The following DLG2 variants were observed in gnomAD, a reference collection of about 807,000 sequenced individuals.
DLG2 encodes the protein disks large homolog 2.
DLG2 carries 45 observed loss-of-function variants against 132.5 expected under a neutral mutation model. That is an observed-to-expected ratio of 0.34 (90% CI 0.27 to 0.44). The LOEUF is 0.44. Ranked by LOEUF, DLG2 falls within the 20% of genes least tolerant of loss-of-function variation. DLG2 has a pLI of 1.00. For synonymous variants in DLG2, 424 were observed against 419.6 expected (o/e 1.01, Z -0.13); for missense variants, 1,045 against 1,196.9 (o/e 0.87, Z 1.87).
intron 2 of DLG2, among the ~76,000 whole-genome samples, chr11:85,609,942 G>T (rs1423463302): frequency 6.6e-6 from 1 of 152,142 alleles, no homozygotes; most frequent in African/African-American, 2.4e-5. Context: ...TTCTTGTTAT[G>T]CCTGAAAGTC....
intron 6 of DLG2, among the ~76,000 whole-genome samples, chr11:84,838,439 A>G (rs1162278088): frequency 6.6e-6 from 1 of 151,942 alleles, no homozygotes; most frequent in East Asian, 1.9e-4. Context: ...CATCTATCAA[A>G]TAGACAAAAA....
chr11:85,175,184 T>A (rs538168690), intron 4 of DLG2, among the ~76,000 whole-genome samples: 2 of 152,220 alleles, frequency 1.3e-5, no homozygotes, highest in Non-Finnish European at 2.9e-5. Flanking sequence ...TTCAGGCCAA[T>A]ATTCCTGATG....
intron 6 of DLG2, among the ~76,000 whole-genome samples, chr11:84,574,252 A>C (rs574379960): frequency 1.4e-4 from 22 of 151,960 alleles, no homozygotes; most frequent in African/African-American, 5.3e-4. Flanking sequence ...AGGTCTCTAT[A>C]CTCTTACTGT....
At chr11:84,238,017 C>A (rs1178840840) in intron 8 of DLG2, among the ~76,000 whole-genome samples, 2 of 145,828 alleles carry the variant, frequency 1.4e-5, no homozygotes, top group Non-Finnish European at 3.0e-5. Context: ...GCACTCCAGC[C>A]CGGGCGACAG....
At chr11:85,034,890 T>C (rs1047552760) in intron 6 of DLG2, among the ~76,000 whole-genome samples, 1 of 152,172 alleles carries the variant, frequency 6.6e-6, no homozygotes, top group African/African-American at 2.4e-5. Context: ...CTTATTATCA[T>C]TGGGATTCTA....
chr11:84,552,216 A>G (rs2154524335), intron 6 of DLG2, among the ~76,000 whole-genome samples: 1 of 152,168 alleles, frequency 6.6e-6, no homozygotes, highest in Non-Finnish European at 1.5e-5. Context: ...CCCCCATCAC[A>G]CCCTTGTTTC....
intron 3 of DLG2, among the ~76,000 whole-genome samples, chr11:85,450,825 C>T (rs993610129): frequency 5.9e-5 from 9 of 152,084 alleles, no homozygotes; most frequent in African/African-American, 1.9e-4. Context: ...TTCTCAGCTT[C>T]CATAACTCTA....
chr11:84,344,063 A>G (rs1363751887), intron 7 of DLG2, among the ~76,000 whole-genome samples: 1 of 152,232 alleles, frequency 6.6e-6, no homozygotes, highest in Non-Finnish European at 1.5e-5. Context: ...GTTCGAAAGA[A>G]TATAGCCTAT....
chr11:84,596,443 G>A (rs999965441), intron 6 of DLG2, among the ~76,000 whole-genome samples: 5 of 146,170 alleles, frequency 3.4e-5, no homozygotes, highest in African/African-American at 7.6e-5. Flanking sequence ...GGCTCCTCTC[G>A]AACTTCTGAC....
At chr11:83,921,312 A>C (rs2077846303) in intron 15 of DLG2, among the ~76,000 whole-genome samples, 1 of 152,136 alleles carries the variant, frequency 6.6e-6, no homozygotes, top group Non-Finnish European at 1.5e-5. Flanking sequence ...CAGGGAATAA[A>C]ATGATAAATA....
chr11:83,626,135 T>A (rs2062485011), intron 19 of DLG2, among the ~76,000 whole-genome samples: 1 of 152,196 alleles, frequency 6.6e-6, no homozygotes, highest in South Asian at 2.1e-4. Flanking sequence ...CATTTTATCA[T>A]AAATGCTTAA....
rs575830539 is a variant in DLG2, at chr11:83,513,116, C to G, written c.2193+19592G>C. Among the ~76,000 whole-genome samples, 12 of 152,300 alleles carry G rather than the reference C, an allele frequency of 7.9e-5. No homozygotes were observed. The East Asian group carries it at 2.3e-3, about 29-fold the overall frequency. On this transcript the variant is annotated intron_variant, in intron 21 of 27. Coordinates refer to ENST00000376104, the MANE Select transcript of DLG2 (RefSeq NM_001142699.3). The stretch of plus-strand genomic sequence containing the variant: ...CCTGAGGAATAGCCACACTGTCTTT[C>G]CACAATGGTTGAACCAGTTTATAGT...
At position 83,722,341 on chromosome 11, in the gene DLG2, G is replaced by A. The variant is rs117893454; in HGVS notation, c.1825+64349C>T. On this transcript the variant is annotated intron_variant, in intron 18 of 27. Coordinates refer to ENST00000376104, the MANE Select transcript of DLG2 (RefSeq NM_001142699.3). ...GTCCCTACCCTCATGGTGGTCTTAC[G>A]GCAACAATTAATTCTAAAAATCTGT... Among the ~76,000 whole-genome samples, 821 of 152,128 alleles carry A rather than the reference G, an allele frequency of 5.4e-3. 3 individuals are homozygous for A. The highest frequency in any genetic ancestry group is 0.031 in the Middle Eastern group (9 of 294).
intron 9 of DLG2, among the ~76,000 whole-genome samples, chr11:84,147,705 G>T (rs1406869223): frequency 3.9e-5 from 6 of 151,996 alleles, no homozygotes. Flanking sequence ...ACATTTCAGA[G>T]ATCACTTAAA....
At chr11:85,036,895 C>T (rs2061479021) in intron 6 of DLG2, among the ~76,000 whole-genome samples, 1 of 152,100 alleles carries the variant, frequency 6.6e-6, no homozygotes, top group Non-Finnish European at 1.5e-5. Context: ...GTTACAAGTA[C>T]TGACATAGCT....
chr11:83,648,116 G>C (rs2068819313), intron 18 of DLG2: 2 of 152,078 alleles, frequency 1.3e-5, no homozygotes, highest in African/African-American at 4.8e-5. Flanking sequence ...AGAAATTAAG[G>C]TTTAAACATA....
intron 6 of DLG2, among the ~76,000 whole-genome samples, chr11:84,903,567 T>C (rs1019518562): frequency 5.9e-5 from 9 of 152,174 alleles, no homozygotes; most frequent in Admixed American, 2.0e-4. Context: ...ACAAACTTAG[T>C]TGAATCAAGT....
intron 4 of DLG2, among the ~76,000 whole-genome samples, chr11:85,214,501 A>G (rs1460416592): frequency 6.6e-6 from 1 of 152,110 alleles, no homozygotes; most frequent in African/African-American, 2.4e-5. Flanking sequence ...ACTGTGGCCA[A>G]TTAAATTCAC....
intron 26 of DLG2, among the ~76,000 whole-genome samples, chr11:83,465,047 A>G (rs1395931798): frequency 6.6e-6 from 1 of 152,146 alleles, no homozygotes; most frequent in Non-Finnish European, 1.5e-5. Flanking sequence ...GCTATTGGGG[A>G]TGATAATATT....
Sources: gnomAD v4.1 joint callset for allele counts (sites outside exome capture counted in the v4.1 genomes callset) on GRCh38, gnomAD v4.1.1 for gene constraint, MANE v1.5 for transcripts, NCBI Gene and HGNC (gene_info 2026-07-23, HGNC 2026-07-21) for gene names.